Variants in HFM1 observed in about 807,000 individuals in gnomAD.
HFM1 encodes the protein helicase for meiosis 1, also known as probable ATP-dependent DNA helicase HFM1.
In HFM1, 169 loss-of-function variants were observed where a neutral mutation model predicts 192.1. The ratio of observed to expected loss-of-function variants is 0.88; its 90% CI spans 0.78 to 1.00. The LOEUF (loss-of-function observed/expected upper bound fraction) is 1.00. HFM1 is among the 50% of genes least tolerant of loss of function. The probability of loss-of-function intolerance (pLI) is 0.00; values close to 1 mark genes in which losing one functional copy is unlikely to be tolerated. For synonymous variants in HFM1, 525 were observed against 537.8 expected (o/e 0.98, Z 0.33); for missense variants, 1,661 against 1,668.0 (o/e 1.00, Z 0.07).
chr1:91,370,911 A>G (rs925818871), intron 13 of HFM1, among the ~76,000 whole-genome samples: 56 of 152,180 alleles, frequency 3.7e-4, no homozygotes, highest in Non-Finnish European at 6.9e-4. Context: ...TACAAAATCA[A>G]TGTACAAAAA....
chr1:91,332,172 A>G (rs957144467), intron 20 of HFM1, among the ~76,000 whole-genome samples: 2 of 152,152 alleles, frequency 1.3e-5, no homozygotes, highest in African/African-American at 4.8e-5. Context: ...AAAGAACAAA[A>G]CTGGAGGAAT....
chr1:91,273,813 G>A lies in HFM1; in HGVS notation c.3671C>T (p.Ser1224Leu), dbSNP rs1666544629. Residue 1224 changes from serine (S) to leucine (L), a missense_variant and splice_region_variant, in exon 34 of 39, where the codon TCA becomes TTA. Coordinates refer to ENST00000370425, the MANE Select transcript of HFM1 (RefSeq NM_001017975.6). ...CAATTCAGATATGTTTAAATATTCT[G>A]ACCTTTATAAAGATAAAACCATGAA... ...PKPSLPSISR[S>L]EYLNISELPI... is the part of the protein sequence containing the mutation. 1.3e-6 allele frequency: 2 copies of A among 1,503,856 alleles called. No homozygotes were observed. Among genetic ancestry groups the A allele is most frequent in the Non-Finnish European group, 1.8e-6 (2 of 1,086,600 alleles). 93.2% of individuals were successfully genotyped at this position (1,503,856 alleles called of 1,614,324 possible). A position where few individuals can be genotyped will look rare whatever the true frequency, so the allele number is the denominator to read the frequency against.
intron 2 of HFM1, among the ~76,000 whole-genome samples, chr1:91,397,410 A>G (rs1307594644): frequency 6.6e-6 from 1 of 152,188 alleles, no homozygotes; most frequent in Admixed American, 6.5e-5. Context: ...CAAAAAGATA[A>G]GTGTTAGGTG....
intron 20 of HFM1, among the ~76,000 whole-genome samples, chr1:91,340,963 C>A (rs1571014819): frequency 6.6e-6 from 1 of 152,236 alleles, no homozygotes; most frequent in South Asian, 2.1e-4. Context: ...TATAGACCTA[C>A]AAAGAGACTT....
At chr1:91,337,088 G>T (rs919228396) in intron 20 of HFM1, among the ~76,000 whole-genome samples, 1 of 152,176 alleles carries the variant, frequency 6.6e-6, no homozygotes, top group Admixed American at 6.5e-5. Flanking sequence ...TGGGGAGGGC[G>T]AGGGGAAGGA....
intron 23 of HFM1, 84 bp downstream of exon 23, chr1:91,322,866 A>T: frequency 1.7e-6 from 1 of 603,792 alleles, no homozygotes; most frequent in Non-Finnish European, 2.7e-6. Context: ...ATTTTTATGT[A>T]ATCTTTTCTG....
At chr1:91,277,921 TATA>T (rs1458201287) in intron 30 of HFM1, among the ~76,000 whole-genome samples, 1 of 132,874 alleles carries the variant, frequency 7.5e-6, no homozygotes, top group Non-Finnish European at 1.6e-5. Flanking sequence ...TATACACTAA[TATA>T]TAATATATAT....
chr1:91,405,474 C>T (rs1426831799), upstream of HFM1, among the ~76,000 whole-genome samples: 1 of 152,182 alleles, frequency 6.6e-6, no homozygotes, highest in Non-Finnish European at 1.5e-5. Context: ...CTTACAGAGA[C>T]ATTTATCTTT....
At chr1:91,293,267 C>T (rs946157345) in intron 30 of HFM1, among the ~76,000 whole-genome samples, 13 of 151,948 alleles carry the variant, frequency 8.6e-5, no homozygotes, top group African/African-American at 1.2e-4. Context: ...GAACAGGCAA[C>T]CTACAGAATG....
chr1:91,286,646 G>T (rs552248780), intron 30 of HFM1, among the ~76,000 whole-genome samples: 4 of 151,814 alleles, frequency 2.6e-5, no homozygotes, highest in African/African-American at 9.7e-5. Flanking sequence ...TCACATTCAC[G>T]ACCGAGGAGC....
intron 13 of HFM1, among the ~76,000 whole-genome samples, chr1:91,371,912 C>G (rs573218250): frequency 2.3e-4 from 35 of 152,242 alleles, no homozygotes; most frequent in African/African-American, 7.2e-4. Context: ...ACAACCCCAA[C>G]AAAAAGTGGG....
intron 4 of HFM1, among the ~76,000 whole-genome samples, chr1:91,390,832 A>T: frequency 6.6e-6 from 1 of 152,210 alleles, no homozygotes; most frequent in East Asian, 1.9e-4. Flanking sequence ...TTTGCAGAAG[A>T]CATGATTGTA....
intron 4 of HFM1, 133 bp from the exon 5 acceptor site, chr1:91,385,967 T>C: frequency 1.5e-6 from 1 of 674,384 alleles, no homozygotes; most frequent in Admixed American, 2.9e-5. Context: ...AGCTAAACAT[T>C]CTCCTAAAAT....
At chr1:91,275,232 C>T (rs1434084241) in intron 32 of HFM1, among the ~76,000 whole-genome samples, 1 of 152,166 alleles carries the variant, frequency 6.6e-6, no homozygotes, top group African/African-American at 2.4e-5. Flanking sequence ...ATCCACCCGC[C>T]TCGGCCTCCC....
At chr1:91,376,436 T>C (rs185154465) in intron 11 of HFM1, among the ~76,000 whole-genome samples, 1 of 152,012 alleles carries the variant, frequency 6.6e-6, no homozygotes, top group Admixed American at 6.6e-5. Context: ...AATAAAAACC[T>C]TAATTTAGGG....
intron 32 of HFM1, among the ~76,000 whole-genome samples, chr1:91,276,227 C>G (rs1180852555): frequency 2.6e-5 from 4 of 152,164 alleles, no homozygotes; most frequent in Non-Finnish European, 4.4e-5. Flanking sequence ...CTTGGTCCAT[C>G]AAATGTGGAT....
intron 30 of HFM1, 132 bp from the exon 31 acceptor site, chr1:91,277,194 G>T: frequency 2.1e-6 from 1 of 484,016 alleles, no homozygotes; most frequent in Non-Finnish European, 3.5e-6. Context: ...TTTCTCAAGT[G>T]TTTTGTAATC....
intron 1 of HFM1, among the ~76,000 whole-genome samples, chr1:91,402,993 A>G (rs529318141): frequency 2.6e-5 from 4 of 152,272 alleles, no homozygotes; most frequent in South Asian, 2.1e-4. Context: ...ATACAAGAAT[A>G]TAACTTGTTT....
At chr1:91,373,777 C>G (rs1660555472) in intron 13 of HFM1, among the ~76,000 whole-genome samples, 1 of 151,992 alleles carries the variant, frequency 6.6e-6, no homozygotes, top group Non-Finnish European at 1.5e-5. Flanking sequence ...CTTGTACAGC[C>G]TGCAAAACTG....
Sources: allele counts gnomAD v4.1 joint callset (sites outside exome capture counted in the v4.1 genomes callset), GRCh38; gene constraint gnomAD v4.1.1; transcripts MANE v1.5; gene names NCBI Gene and HGNC (gene_info 2026-07-23, HGNC 2026-07-21).